TRAPPC2L: variants seen among roughly 807,000 people sequenced by gnomAD.
The protein encoded by TRAPPC2L is trafficking protein particle complex subunit 2-like protein.
Under a neutral mutation model 13.2 loss-of-function variants are expected in TRAPPC2L, and 17 were observed. The observed-to-expected ratio is 1.29, with a 90% CI of 0.88 to 1.93. TRAPPC2L has a LOEUF of 1.93. TRAPPC2L is among the 30% of genes most tolerant of loss of function. TRAPPC2L has a pLI of 0.00. For missense variants in TRAPPC2L, 359 were observed against 252.1 expected (o/e 1.42, Z -2.87); for synonymous variants, 150 against 98.1 (o/e 1.53, Z -3.12).
exon 4 of TRAPPC2L, chr16:88,861,115 T>G: frequency 1.4e-6 from 1 of 710,692 alleles, no homozygotes; most frequent in Non-Finnish European, 2.4e-6. Flanking sequence ...TGAGAGGAGA[T>G]TTGGCTTTTT....
exon 4 of TRAPPC2L, chr16:88,860,765 C>A: frequency 1.2e-6 from 1 of 839,328 alleles, no homozygotes. Flanking sequence ...GGTGGGACTC[C>A]TGTCCTGGCC....
chr16:88,861,606 T>C (rs1249280382), exon 4 of TRAPPC2L: 2 of 484,408 alleles, frequency 4.1e-6, no homozygotes, highest in African/African-American at 3.9e-5. Flanking sequence ...CTGTTGGTGC[T>C]GAGGGGGTTG....
intron 1 of TRAPPC2L, among the ~76,000 whole-genome samples, chr16:88,858,070 C>T (rs930767135): frequency 6.6e-6 from 1 of 152,250 alleles, no homozygotes; most frequent in Non-Finnish European, 1.5e-5. Context: ...TGTATTTGTG[C>T]AGGACCCAGT....
chr16:88,860,441 C>T, exon 4 of TRAPPC2L: 2 of 605,528 alleles, frequency 3.3e-6, no homozygotes, highest in South Asian at 2.0e-5. Context: ...GGGTCCATGC[C>T]CACATTCCAG....
intron 2 of TRAPPC2L, 183 bp downstream of exon 2, chr16:88,858,974 G>C (rs769908758): frequency 4.6e-5 from 30 of 647,952 alleles, no homozygotes; most frequent in Non-Finnish European, 6.2e-5. Context: ...AGAGCCATTT[G>C]GGAAAAGCAA....
chr16:88,859,938 C>T (rs1968258253), exon 4 of TRAPPC2L: 1 of 1,529,034 alleles, frequency 6.5e-7, no homozygotes, highest in East Asian at 2.3e-5. Context: ...GATGTGCAAC[C>T]CCTTCTACAA....
chr16:88,860,326 CT>C, exon 4 of TRAPPC2L: 1 of 687,780 alleles, frequency 1.5e-6, no homozygotes, highest in Non-Finnish European at 2.7e-6. Context: ...GCTACCTGAT[CT>C]TTTATGTTGA....
exon 4 of TRAPPC2L, chr16:88,860,019 G>C: frequency 6.8e-7 from 1 of 1,474,456 alleles, no homozygotes; most frequent in African/African-American, 2.8e-5. Context: ...TGTAGGACAT[G>C]CCTTGCCATT....
chr16:88,857,778 C>T (rs1294284940), intron 1 of TRAPPC2L, among the ~76,000 whole-genome samples: 1 of 152,230 alleles, frequency 6.6e-6, no homozygotes, highest in Non-Finnish European at 1.5e-5. Flanking sequence ...ACACCTCTCC[C>T]CAGCTCCCAT....
chr16:88,859,408 G>A lies in TRAPPC2L; in HGVS notation c.207-255G>A, dbSNP rs138788471. Reference sequence around the variant, plus strand: ...GAGGTGTTCCAGACAGACAGACTCGGAGTCTAGGTGGTTCGGCTCCTGGAG... The same window carrying A: ...GAGGTGTTCCAGACAGACAGACTCGAAGTCTAGGTGGTTCGGCTCCTGGAG... On this transcript the variant is annotated intron_variant, in intron 2 of 3. Transcript: ENST00000565504. The A allele has an allele frequency of 1.1e-3, 777 of 699,622 alleles. 6 individuals are homozygous for A. In the African/African-American group the frequency reaches 0.012, roughly 11 times the overall value. 43.3% of individuals were successfully genotyped at this position (699,622 alleles called of 1,614,324 possible). A position where few individuals can be genotyped will look rare whatever the true frequency, so the allele number is the denominator to read the frequency against.
At chr16:88,859,205 G>A (rs1009521036) in intron 2 of TRAPPC2L, 53 of 493,138 alleles carry the variant, frequency 1.1e-4, no homozygotes, top group Non-Finnish European at 1.4e-4. Flanking sequence ...AATCACTTGA[G>A]GCCATGGAAT....
chr16:88,857,273 T>C, intron 1 of TRAPPC2L, 90 bp downstream of exon 1: 1 of 1,236,832 alleles, frequency 8.1e-7, no homozygotes, highest in Non-Finnish European at 1.1e-6. Context: ...AGAAGGCACC[T>C]TAGGAAATGG....
chr16:88,859,956 G>T lies in TRAPPC2L; in HGVS notation c.358G>T (p.Asp120Tyr). 3 of 1,614,062 alleles carry T rather than the reference G, an allele frequency of 1.9e-6. No homozygotes were observed. The highest frequency in any genetic ancestry group is 1.7e-5 in the Admixed American group (1 of 60,024). The change falls in exon 4 of 4, where the codon GAC (aspartate) becomes TAC (tyrosine). Residue 120 changes from aspartate to tyrosine, a missense_variant. Physicochemically the swap from Asp to Tyr is radical, Grantham distance 160 (BLOSUM62 -3). Coordinates refer to ENST00000565504, the Ensembl canonical transcript of TRAPPC2L. ...GTGCAACCCCTTCTACAACCCGGGGGACCGCATCCAGTCCAGGTGGGCCCT... is the reference window on the plus strand; with the variant it reads ...GTGCAACCCCTTCTACAACCCGGGGTACCGCATCCAGTCCAGGTGGGCCCT...
rs537493943 is a variant in TRAPPC2L at position 88,860,981 on chromosome 16, C to T, written c.*657C>T. On this transcript the variant is annotated 3_prime_UTR_variant, in exon 4 of 4. Coordinates refer to ENST00000565504, the Ensembl canonical transcript of TRAPPC2L. ...CTGAGTGAGCTGTGCTGCCAGCCATCGCAGAGGAGCCCGCGCACGACTGTG... is the reference window on the plus strand; with the variant it reads ...CTGAGTGAGCTGTGCTGCCAGCCATTGCAGAGGAGCCCGCGCACGACTGTG... 2.1e-5 allele frequency: 33 copies of T among 1,574,224 alleles called. No individual in the cohort carries two copies. In the East Asian group the frequency reaches 2.5e-4, roughly 12 times the overall value.
At chr16:88,860,054 G>A (rs1968280823) in exon 4 of TRAPPC2L, 1 of 1,256,970 alleles carries the variant, frequency 8.0e-7, no homozygotes, top group Non-Finnish European at 1.1e-6. Flanking sequence ...GCAACCATTT[G>A]GAAAATAAGG....
At chr16:88,859,828 A>G in intron 3 of TRAPPC2L, 65 bp from the exon 4 acceptor site, 1 of 1,585,108 alleles carries the variant, frequency 6.3e-7, no homozygotes, top group Non-Finnish European at 8.6e-7. Context: ...AAATGCTGAG[A>G]AACTAAAAAT....
rs762273020 is a variant in TRAPPC2L, at chr16:88,859,644, TC to T, written c.207-16del. The T allele has an allele frequency of 6.2e-7, 1 of 1,612,954 alleles. No individual in the cohort carries two copies. Among genetic ancestry groups the T allele is most frequent in the East Asian group, 2.2e-5 (1 of 44,884 alleles). On this transcript the variant is annotated intron_variant, in intron 2 of 3. Coordinates refer to ENST00000565504, the Ensembl canonical transcript of TRAPPC2L. ...GGCAGTCCCTGTGTTACGAGTGCCT[TC>T]CCTAACCAGCTGTGCAGATACGGCT...
upstream of TRAPPC2L, chr16:88,856,794 C>A (rs759810674): frequency 1.3e-6 from 2 of 1,540,788 alleles, no homozygotes; most frequent in Non-Finnish European, 1.7e-6. Context: ...TGGGGGGCTG[C>A]GGGGCGCCCG....
chr16:88,857,134 G>A (rs1046316813), exon 1 of TRAPPC2L: 11 of 1,567,336 alleles, frequency 7.0e-6, no homozygotes, highest in African/African-American at 1.4e-5. Flanking sequence ...GCGGTGCCTG[G>A]CGCCGAGCCT....
Sources: allele counts gnomAD v4.1 joint callset (sites outside exome capture counted in the v4.1 genomes callset), GRCh38; gene constraint gnomAD v4.1.1; transcripts MANE v1.5; gene names NCBI Gene and HGNC (gene_info 2026-07-23, HGNC 2026-07-21).